GLRA2: variants seen among roughly 807,000 people sequenced by gnomAD.
GLRA2 encodes glycine receptor alpha 2.
In GLRA2, 11 loss-of-function variants were observed where a neutral mutation model predicts 31.6. That is an observed-to-expected ratio of 0.35 (90% CI 0.22 to 0.58). GLRA2 has a LOEUF of 0.58. GLRA2 is among the 20% of genes least tolerant of loss of function. The pLI, the probability that GLRA2 is intolerant of heterozygous loss-of-function variation, is 0.84. For synonymous variants in GLRA2, 132 were observed against 134.0 expected (o/e 0.99, Z 0.10); for missense variants, 212 against 351.8 (o/e 0.60, Z 3.18).
intron 2 of GLRA2, among the ~76,000 whole-genome samples, chrX:14,534,057 T>G (rs2089291426): frequency 9.0e-6 from 1 of 110,938 alleles, no homozygotes; most frequent in Non-Finnish European, 1.9e-5. Context: ...ATGTTGACAT[T>G]GCTACTTTAA....
chrX:14,608,270 T>G (rs189795779), intron 6 of GLRA2, among the ~76,000 whole-genome samples: 32 of 111,693 alleles, frequency 2.9e-4, no homozygotes, highest in African/African-American at 1.0e-3. Context: ...CTCTTAAATG[T>G]TAGAAGTTTT....
chrX:14,646,687 G>A (rs1243088608), intron 7 of GLRA2, among the ~76,000 whole-genome samples: 2 of 111,930 alleles, frequency 1.8e-5, no homozygotes, highest in Admixed American at 1.9e-4. Flanking sequence ...ACTTGAAAGA[G>A]GATAACTGGG....
At chrX:14,680,795 G>A (rs762778399) in intron 7 of GLRA2, among the ~76,000 whole-genome samples, 38 of 112,052 alleles carry the variant, frequency 3.4e-4, no homozygotes, top group African/African-American at 1.2e-3. Flanking sequence ...TCATTTGTGA[G>A]CAGCTGAAAA....
At chrX:14,467,300 A>G in the GLRA2 span, among the ~76,000 whole-genome samples, 1 of 112,042 alleles carries the variant, frequency 8.9e-6, no homozygotes, top group African/African-American at 3.2e-5. Flanking sequence ...GAAAGTGCAC[A>G]CAAATCCCAC....
At chrX:14,535,219 T>C (rs745347971) in intron 2 of GLRA2, among the ~76,000 whole-genome samples, 2 of 112,292 alleles carry the variant, frequency 1.8e-5, no homozygotes, top group South Asian at 3.7e-4. Flanking sequence ...TTATTAAATA[T>C]TAGCATATTT....
intron 8 of GLRA2, among the ~76,000 whole-genome samples, chrX:14,721,001 C>T (rs1324897236): frequency 1.8e-5 from 2 of 108,982 alleles, no homozygotes; most frequent in African/African-American, 6.7e-5. Context: ...TGGCACATGA[C>T]CCGTCCACCT....
the GLRA2 span, among the ~76,000 whole-genome samples, chrX:14,469,514 C>T: frequency 1.9e-5 from 2 of 107,366 alleles, no homozygotes; most frequent in Non-Finnish European, 3.8e-5. Context: ...ACTATGCAGC[C>T]ATAAAAAAGG....
At chrX:14,626,614 A>C (rs5980052) in intron 7 of GLRA2, among the ~76,000 whole-genome samples, 1 of 111,428 alleles carries the variant, frequency 9.0e-6, no homozygotes, top group Non-Finnish European at 1.9e-5. Context: ...CATTTTAACC[A>C]TCATTTTCAT....
the GLRA2 span, among the ~76,000 whole-genome samples, chrX:14,473,386 G>T: frequency 8.9e-6 from 1 of 111,981 alleles, no homozygotes; most frequent in Non-Finnish European, 1.9e-5. Context: ...AGAAGGTGGT[G>T]AGGACAAAGA....
chrX:14,692,895 T>C (rs1486752620), intron 8 of GLRA2, among the ~76,000 whole-genome samples: 2 of 111,499 alleles, frequency 1.8e-5, no homozygotes, highest in Non-Finnish European at 3.8e-5. Context: ...AAAGACTAAT[T>C]TTTAAAAAAG....
chrX:14,694,860 ATGAAT>A (rs755321950), intron 8 of GLRA2, among the ~76,000 whole-genome samples: 3 of 111,978 alleles, frequency 2.7e-5, no homozygotes, highest in African/African-American at 9.7e-5. Flanking sequence ...AGATGAGAAG[ATGAAT>A]TGAATATGAC....
At chrX:14,466,982 G>A in the GLRA2 span, among the ~76,000 whole-genome samples, 2 of 111,805 alleles carry the variant, frequency 1.8e-5, no homozygotes, top group Non-Finnish European at 3.8e-5. Context: ...AATAGCTCTG[G>A]TTGATTCTGA....
intron 3 of GLRA2, among the ~76,000 whole-genome samples, chrX:14,580,274 A>G (rs57968733): frequency 9.4e-4 from 106 of 112,798 alleles, no homozygotes; most frequent in African/African-American, 3.3e-3. Context: ...ATGAATTAGT[A>G]TATATCACAC....
chrX:14,658,074 TTC>T (rs1291617161), intron 7 of GLRA2, among the ~76,000 whole-genome samples: 1 of 111,609 alleles, frequency 9.0e-6, no homozygotes, highest in African/African-American at 3.3e-5. Flanking sequence ...ACCCCAGCAT[TTC>T]TGATTCCAAA....
the GLRA2 span, among the ~76,000 whole-genome samples, chrX:14,493,770 CAT>C: frequency 8.1e-5 from 8 of 98,355 alleles, no homozygotes; most frequent in African/African-American, 1.6e-4. Flanking sequence ...CATATGTATA[CAT>C]ATATATATAG....
the GLRA2 span, among the ~76,000 whole-genome samples, chrX:14,499,672 G>A: frequency 9.0e-6 from 1 of 110,835 alleles, no homozygotes; most frequent in Admixed American, 9.6e-5. Context: ...CATAAAGATG[G>A]GAACTATAGA....
At chrX:14,581,807 A>ACAC (rs2090020194) in intron 4 of GLRA2, among the ~76,000 whole-genome samples, 1 of 85,441 alleles carries the variant, frequency 1.2e-5, no homozygotes, top group Non-Finnish European at 2.3e-5. Flanking sequence ...CACACACACA[A>ACAC]ATTCAATAGC....
intron 7 of GLRA2, among the ~76,000 whole-genome samples, chrX:14,684,686 A>G (rs933730276): frequency 9.8e-5 from 11 of 111,999 alleles, no homozygotes; most frequent in Non-Finnish European, 1.9e-4. Flanking sequence ...ACTTTGCTGA[A>G]GTTGCTTATC....
At chrX:14,539,846 G>A (rs1177841072) in intron 2 of GLRA2, among the ~76,000 whole-genome samples, 1 of 111,502 alleles carries the variant, frequency 9.0e-6, no homozygotes, top group Non-Finnish European at 1.9e-5. Context: ...GATGATGGTG[G>A]AACATATTTT....
Sources: gnomAD v4.1 joint callset for allele counts (sites outside exome capture counted in the v4.1 genomes callset) on GRCh38, gnomAD v4.1.1 for gene constraint, MANE v1.5 for transcripts, NCBI Gene and HGNC (gene_info 2026-07-23, HGNC 2026-07-21) for gene names.